The following FGF12 variants were observed in gnomAD, a reference collection of about 807,000 sequenced individuals.
FGF12 encodes fibroblast growth factor 12.
A neutral mutation model predicts 23.6 loss-of-function variants in FGF12; 14 were observed. The ratio of observed to expected loss-of-function variants is 0.59; its 90% CI spans 0.39 to 0.93. FGF12 has a LOEUF of 0.93. FGF12 is among the 40% of genes least tolerant of loss of function. The probability of loss-of-function intolerance (pLI) is 0.00; values close to 1 mark genes in which losing one functional copy is unlikely to be tolerated. For missense variants in FGF12, 175 were observed against 217.8 expected (o/e 0.80, Z 1.24); for synonymous variants, 62 against 77.3 (o/e 0.80, Z 1.04).
At chr3:192,423,366 TG>T (rs1484969182) in intron 2 of FGF12, among the ~76,000 whole-genome samples, 4 of 152,196 alleles carry the variant, frequency 2.6e-5, no homozygotes, top group Non-Finnish European at 5.9e-5. Flanking sequence ...TTTATAAGTA[TG>T]TATCTAGAAG....
In FGF12 at chr3:192,643,700, A is replaced by C. The variant is rs559342962; in HGVS notation, c.13+83481T>G. 1.3e-3 allele frequency among the ~76,000 whole-genome samples: 205 copies of C among 152,304 alleles called. 1 individual carries two copies. The highest frequency in any genetic ancestry group is 4.7e-3 in the African/African-American group (195 of 41,572). On this transcript the variant is annotated intron_variant, in intron 2 of 5. Transcript: ENST00000445105. ...CAGTGGCACTTATTTTTATACATTCATCATTCTGGTTTTTACTGTTTTATA... is the reference window on the plus strand; with the variant it reads ...CAGTGGCACTTATTTTTATACATTCCTCATTCTGGTTTTTACTGTTTTATA...
chr3:192,422,674 CA>C (rs143883149), intron 2 of FGF12, among the ~76,000 whole-genome samples: 73 of 152,234 alleles, frequency 4.8e-4, no homozygotes, highest in African/African-American at 1.5e-3. Context: ...TTATCACAAC[CA>C]CCCTATTAAA....
At chr3:192,177,010 A>C (rs2108628077) in intron 4 of FGF12, among the ~76,000 whole-genome samples, 1 of 152,380 alleles carries the variant, frequency 6.6e-6, no homozygotes, top group East Asian at 1.9e-4. Flanking sequence ...AACCACTTAC[A>C]AGGTCCTACA....
chr3:192,443,626 G>A (rs1350769371), intron 2 of FGF12, among the ~76,000 whole-genome samples: 1 of 152,042 alleles, frequency 6.6e-6, no homozygotes, highest in Non-Finnish European at 1.5e-5. Flanking sequence ...ATAACATTTC[G>A]GTTAAGACCT....
At position 192,141,117 on chromosome 3, in the gene FGF12, C is replaced by A. The variant is rs1577164933; in HGVS notation, c.*2892G>T. On this transcript the variant is annotated 3_prime_UTR_variant, in exon 6 of 6. Transcript: ENST00000445105. ...CCATATTTTTTCCTGGGAAAAATCC[C>A]AATGCAACTCCAAAAAAAAAAAAAA... 1 of 33,650 alleles carries A rather than the reference C, an allele frequency of 3.0e-5. No individual in the cohort carries two copies. The highest frequency in any genetic ancestry group is 5.6e-5 in the Non-Finnish European group (1 of 18,016). 2.1% of individuals were successfully genotyped at this position (33,650 alleles called of 1,614,324 possible).
At chr3:192,305,697 A>AAT (rs1480946618) in intron 4 of FGF12, among the ~76,000 whole-genome samples, 23 of 129,152 alleles carry the variant, frequency 1.8e-4, no homozygotes, top group East Asian at 5.1e-4. Context: ...TATATATATA[A>AAT]ATATATATAA....
intron 5 of FGF12, among the ~76,000 whole-genome samples, chr3:192,160,646 G>T (rs1252852546): frequency 6.6e-6 from 1 of 152,068 alleles, no homozygotes; most frequent in African/African-American, 2.4e-5. Context: ...AGACATAAAT[G>T]CTATCAAGTC....
At chr3:192,511,950 T>G (rs1724490784) in intron 2 of FGF12, among the ~76,000 whole-genome samples, 1 of 152,172 alleles carries the variant, frequency 6.6e-6, no homozygotes, top group African/African-American at 2.4e-5. Context: ...AATAAATGAT[T>G]AGTTTATATT....
chr3:192,239,626 G>A (rs60034485), intron 4 of FGF12, among the ~76,000 whole-genome samples: 249 of 152,278 alleles, frequency 1.6e-3, no homozygotes, highest in African/African-American at 5.8e-3. Flanking sequence ...ATCAGCAGTG[G>A]CATTAGATTC....
chr3:192,488,050 A>C (rs894729916), intron 2 of FGF12, among the ~76,000 whole-genome samples: 1 of 152,076 alleles, frequency 6.6e-6, no homozygotes, highest in Admixed American at 6.6e-5. Context: ...AAAATAACAG[A>C]AGCATCGTCT....
chr3:192,442,244 G>A (rs553130714), intron 2 of FGF12, among the ~76,000 whole-genome samples: 3 of 152,252 alleles, frequency 2.0e-5, no homozygotes, highest in African/African-American at 7.2e-5. Context: ...TGCATTCATT[G>A]GGCTGATATA....
Position 192,146,270 on chromosome 3 carries a change from A to ATTTTT in FGF12, c.428-2144_428-2143insAAAAA, listed in dbSNP as rs879200159. On this transcript the variant is annotated intron_variant, in intron 5 of 5. Transcript: ENST00000445105. ...AATTTTCTAATTTTCATTAAAGTGTATATTTTTTTTTTTTTTTTGAGACGG... is the reference window on the plus strand; with the variant it reads ...AATTTTCTAATTTTCATTAAAGTGTATTTTTTATTTTTTTTTTTTTTTTGAGACGG... Among the ~76,000 whole-genome samples the ATTTTT allele has an allele frequency of 1.2e-4, 11 of 92,162 alleles. 2 individuals are homozygous for ATTTTT. The highest frequency in any genetic ancestry group is 1.3e-4 in the Non-Finnish European group (5 of 38,506). 60.5% of individuals were successfully genotyped at this position (92,162 alleles called of 152,430 possible).
At chr3:192,581,448 GTGTGTGTATATATATATGTATATATA>G (rs1713135279) in intron 2 of FGF12, among the ~76,000 whole-genome samples, 2 of 137,440 alleles carry the variant, frequency 1.5e-5, no homozygotes, top group African/African-American at 2.8e-5. Flanking sequence ...GTATATATAT[GTGTGTGTATATATATATGTATATATA>G]TGTGTGTGTG....
At chr3:192,727,111 C>T in intron 2 of FGF12, 70 bp downstream of exon 2, 1 of 1,541,974 alleles carries the variant, frequency 6.5e-7, no homozygotes, top group Non-Finnish European at 8.8e-7. Context: ...CACTGCAGTC[C>T]CCTCGCCGAG....
chr3:192,305,410 C>T (rs1461616896), intron 4 of FGF12, among the ~76,000 whole-genome samples: 5 of 151,870 alleles, frequency 3.3e-5, no homozygotes, highest in African/African-American at 9.7e-5. Context: ...CAGAAATACA[C>T]GTCGAGCTGC....
chr3:192,658,248 G>A (rs753568715), intron 2 of FGF12, among the ~76,000 whole-genome samples: 1 of 152,140 alleles, frequency 6.6e-6, no homozygotes, highest in East Asian at 1.9e-4. Flanking sequence ...GTGGTAAACC[G>A]GACCCATGCC....
At chr3:192,658,681 AATTT>A (rs1716537665) in intron 2 of FGF12, among the ~76,000 whole-genome samples, 1 of 145,816 alleles carries the variant, frequency 6.9e-6, no homozygotes, top group Non-Finnish European at 1.5e-5. Flanking sequence ...CAATGAAAAT[AATTT>A]ATTTGTCCAG....
At chr3:192,478,482 TA>T (rs1723390802) in intron 2 of FGF12, among the ~76,000 whole-genome samples, 1 of 152,172 alleles carries the variant, frequency 6.6e-6, no homozygotes, top group Non-Finnish European at 1.5e-5. Context: ...AATAACATGT[TA>T]AAATATTATG....
chr3:192,290,163 T>C (rs904069287), intron 4 of FGF12, among the ~76,000 whole-genome samples: 4 of 152,126 alleles, frequency 2.6e-5, no homozygotes, highest in African/African-American at 9.7e-5. Flanking sequence ...ATATATTGTG[T>C]AATGCAAAAT....
Sources: gnomAD v4.1 joint callset for allele counts (sites outside exome capture counted in the v4.1 genomes callset) on GRCh38, gnomAD v4.1.1 for gene constraint, MANE v1.5 for transcripts, NCBI Gene and HGNC (gene_info 2026-07-23, HGNC 2026-07-21) for gene names.